Variants in FARP1 observed in about 807,000 individuals in gnomAD.
FARP1 encodes the protein FERM, ARH/RhoGEF and pleckstrin domain protein 1, also known as FERM, ARHGEF and pleckstrin domain-containing protein 1.
A neutral mutation model predicts 128.8 loss-of-function variants in FARP1; 52 were observed. The observed-to-expected ratio is 0.40, with a 90% CI of 0.32 to 0.51. FARP1 has a LOEUF of 0.51. Ranked by LOEUF, FARP1 falls within the 20% of genes least tolerant of loss-of-function variation. The pLI, the probability that FARP1 is intolerant of heterozygous loss-of-function variation, is 0.45. For synonymous variants in FARP1, 580 were observed against 551.8 expected (o/e 1.05, Z -0.72); for missense variants, 1,333 against 1,367.9 (o/e 0.97, Z 0.40).
At chr13:98,373,672 G>A (rs1889458383) in intron 5 of FARP1, among the ~76,000 whole-genome samples, 1 of 152,076 alleles carries the variant, frequency 6.6e-6, no homozygotes, top group Non-Finnish European at 1.5e-5. Context: ...TGGTAGGTCT[G>A]TAGTCTGTAG....
intron 2 of FARP1, among the ~76,000 whole-genome samples, chr13:98,323,452 A>T (rs1887093389): frequency 6.9e-6 from 1 of 144,110 alleles, no homozygotes; most frequent in Admixed American, 6.9e-5. Context: ...CAGTAGAAGT[A>T]TTTTTTTTTT....
intron 13 of FARP1, chr13:98,405,482 A>G (rs1890937423): frequency 6.6e-6 from 1 of 152,238 alleles, no homozygotes; most frequent in African/African-American, 2.4e-5. Context: ...GGGGGGCAGC[A>G]TAAACCCAAA....
chr13:98,196,073 A>G (rs1879554052), intron 1 of FARP1, among the ~76,000 whole-genome samples: 1 of 152,100 alleles, frequency 6.6e-6, no homozygotes, highest in Admixed American at 6.5e-5. Flanking sequence ...CAATTCTAGT[A>G]CACATTTTGA....
At chr13:98,309,600 C>A (rs1320130857) in intron 2 of FARP1, among the ~76,000 whole-genome samples, 1 of 151,966 alleles carries the variant, frequency 6.6e-6, no homozygotes, top group Non-Finnish European at 1.5e-5. Flanking sequence ...GAGGCTGGTG[C>A]GAGATGGGAG....
intron 2 of FARP1, among the ~76,000 whole-genome samples, chr13:98,249,967 T>A (rs1883245011): frequency 6.6e-6 from 1 of 152,244 alleles, no homozygotes. Flanking sequence ...TGTTGACCTG[T>A]TTTGAAAACC....
At chr13:98,287,213 T>C (rs1362629095) in intron 2 of FARP1, among the ~76,000 whole-genome samples, 1 of 9,220 alleles carries the variant, frequency 1.1e-4, no homozygotes, top group Non-Finnish European at 2.4e-4. Flanking sequence ...CATGTCTTTT[T>C]TTTTTTTTTT....
intron 1 of FARP1, among the ~76,000 whole-genome samples, chr13:98,188,145 C>T (rs1879000694): frequency 6.6e-6 from 1 of 152,168 alleles, no homozygotes. Flanking sequence ...GTGGACTTTC[C>T]TGGTGGGGCC....
Position 98,449,846 on chromosome 13 carries a change from G to C in FARP1, c.*1529G>C, listed in dbSNP as rs79043249. 3 of 152,328 alleles carry C rather than the reference G, an allele frequency of 2.0e-5. No individual in the cohort carries two copies. The highest frequency in any genetic ancestry group is 6.6e-5 in the Admixed American group (1 of 15,258). 9.4% of individuals were successfully genotyped at this position (152,328 alleles called of 1,614,324 possible). ...GGACACTCCAGCAAGGGTTTCTAAAGCCCCAGTGTTCAGAGTGACACAGGG... is the reference window on the plus strand; with the variant it reads ...GGACACTCCAGCAAGGGTTTCTAAACCCCCAGTGTTCAGAGTGACACAGGG... On this transcript the variant is annotated 3_prime_UTR_variant, in exon 27 of 27. Coordinates refer to ENST00000319562, the MANE Select transcript of FARP1 (RefSeq NM_005766.4).
chr13:98,442,061 G>C (rs968700680), intron 24 of FARP1, among the ~76,000 whole-genome samples: 2 of 152,218 alleles, frequency 1.3e-5, no homozygotes, highest in African/African-American at 4.8e-5. Context: ...CTGAGCTGGG[G>C]CGAGGCCATT....
chr13:98,276,894 A>G (rs1187229001), intron 2 of FARP1, among the ~76,000 whole-genome samples: 1 of 133,700 alleles, frequency 7.5e-6, no homozygotes, highest in Non-Finnish European at 1.6e-5. Flanking sequence ...GAGGAAGGTA[A>G]AAAGGGGAAG....
At chr13:98,164,536 A>G (rs1040569176) in intron 1 of FARP1, among the ~76,000 whole-genome samples, 6 of 152,240 alleles carry the variant, frequency 3.9e-5, no homozygotes, top group Admixed American at 3.3e-4. Context: ...AAAGCAACAC[A>G]TCTGTGGCCT....
chr13:98,233,084 A>G (rs180799690), intron 2 of FARP1, among the ~76,000 whole-genome samples: 16 of 152,318 alleles, frequency 1.1e-4, no homozygotes, highest in African/African-American at 2.4e-4. Context: ...TTTCCAAGGC[A>G]TGGATGGTTG....
At chr13:98,408,620 C>T (rs1163206703) in intron 13 of FARP1, among the ~76,000 whole-genome samples, 1 of 152,196 alleles carries the variant, frequency 6.6e-6, no homozygotes, top group Non-Finnish European at 1.5e-5. Context: ...CGAGCCACTG[C>T]GCCTGGCCAC....
intron 2 of FARP1, chr13:98,338,431 C>T (rs1476307764): frequency 6.6e-5 from 10 of 152,158 alleles, no homozygotes; most frequent in Admixed American, 5.9e-4. Flanking sequence ...TGATGACTGG[C>T]TTATTTCACT....
At chr13:98,402,949 T>G (rs897410660) in intron 13 of FARP1, 4 of 152,248 alleles carry the variant, frequency 2.6e-5, no homozygotes, top group Admixed American at 2.0e-4. Context: ...GAAAACATTT[T>G]CCGTTGTTCC....
At chr13:98,424,893 GTTT>G (rs10700673) in intron 17 of FARP1, among the ~76,000 whole-genome samples, 2 of 147,446 alleles carry the variant, frequency 1.4e-5, no homozygotes, top group Non-Finnish European at 3.0e-5. Flanking sequence ...TGATTTTGGG[GTTT>G]TTTTTTTTTC....
chr13:98,312,936 T>C (rs2139752772), intron 2 of FARP1, among the ~76,000 whole-genome samples: 1 of 152,314 alleles, frequency 6.6e-6, no homozygotes, highest in Non-Finnish European at 1.5e-5. Context: ...GCCAGGGTTT[T>C]CTTTCATGGG....
chr13:98,388,932 A>T (rs1217114557), intron 9 of FARP1, among the ~76,000 whole-genome samples: 1 of 152,174 alleles, frequency 6.6e-6, no homozygotes, highest in Admixed American at 6.5e-5. Flanking sequence ...TCCCTTCCCC[A>T]CTTACTTCCC....
rs929108592 is a variant in FARP1, at chr13:98,454,556, C to A, written c.*6239C>A. 6.6e-6 allele frequency: 1 copy of A among 152,196 alleles called. No individual in the cohort carries two copies. Among genetic ancestry groups the A allele is most frequent in the Non-Finnish European group, 1.5e-5 (1 of 68,036 alleles). The allele number at this position is 152,196 out of a possible 1,614,324, so 9.4% of individuals were successfully genotyped here. ...CTCAACTATCAAGAAATACAAATGACTAAATCACGGGATGAGTTGATGTCA... is the reference window on the plus strand; with the variant it reads ...CTCAACTATCAAGAAATACAAATGAATAAATCACGGGATGAGTTGATGTCA... On this transcript the variant is annotated 3_prime_UTR_variant, in exon 27 of 27. Transcript: ENST00000319562.
Sources: allele counts gnomAD v4.1 joint callset (sites outside exome capture counted in the v4.1 genomes callset), GRCh38; gene constraint gnomAD v4.1.1; transcripts MANE v1.5; gene names NCBI Gene and HGNC (gene_info 2026-07-23, HGNC 2026-07-21).